Variants in HMGXB3 observed in about 807,000 individuals in gnomAD.
HMGXB3 encodes the protein HMG-box containing 3.
A neutral mutation model predicts 121.5 loss-of-function variants in HMGXB3; 45 were observed. The ratio of observed to expected loss-of-function variants is 0.37; its 90% CI spans 0.29 to 0.47. The LOEUF is 0.47. Among genes scored for constraint, HMGXB3 ranks in the 20% least tolerant of loss-of-function variants. The probability of loss-of-function intolerance (pLI) is 0.99; values close to 1 mark genes in which losing one functional copy is unlikely to be tolerated. For missense variants in HMGXB3, 1,376 were observed against 1,602.2 expected (o/e 0.86, Z 2.41); for synonymous variants, 590 against 624.1 (o/e 0.95, Z 0.81).
rs216133 is a variant in HMGXB3, at chr5:150,052,271, C to A, written c.*79C>A. The A allele has an allele frequency of 1.7e-6, 2 of 1,174,112 alleles. No homozygotes were observed. Among genetic ancestry groups the A allele is most frequent in the African/African-American group, 1.5e-5 (1 of 65,676 alleles). 72.7% of individuals were successfully genotyped at this position (1,174,112 alleles called of 1,614,324 possible). A position where few individuals can be genotyped will look rare whatever the true frequency, so the allele number is the denominator to read the frequency against. ...GCCTGAGGCAGAGCTATCCAGGGGA[C>A]CTGCAGAAGTGGTCTCCTGTGGGGA... On this transcript the variant is annotated 3_prime_UTR_variant, in exon 20 of 20. Coordinates refer to ENST00000502717, the MANE Select transcript of HMGXB3 (RefSeq NM_014983.3).
chr5:150,047,785 CGG>C (rs1342599303), intron 17 of HMGXB3, 28 bp downstream of exon 17: 1 of 1,551,064 alleles, frequency 6.4e-7, no homozygotes, highest in East Asian at 2.4e-5. Context: ...TGGTGGATAT[CGG>C]GGCTTCTGGA....
In HMGXB3 at chr5:150,010,391, C is replaced by T; in HGVS notation, c.593C>T (p.Ser198Leu). 6.4e-7 allele frequency: 1 copy of T among 1,551,692 alleles called. No individual in the cohort carries two copies. ...LAEEVGALTQ[S>L]GAVQEIATSE... ...GAGGAGGTGGGAGCCCTTACCCAGT[C>T]AGGTGCTGTACAGGAGATTGCCACC... Residue 198 changes from serine to leucine, a missense_variant, in exon 4 of 20, where the codon TCA becomes TTA. By Grantham distance (145) the Ser-to-Leu change is moderately radical. Transcript: ENST00000502717.
chr5:150,032,374 C>A, intron 10 of HMGXB3, 80 bp from the exon 11 acceptor site: 2 of 1,335,232 alleles, frequency 1.5e-6, no homozygotes, highest in Admixed American at 2.2e-5. Flanking sequence ...GATTTACTGG[C>A]AGCTGCTCAT....
At chr5:150,045,782 C>A in intron 16 of HMGXB3, 97 bp downstream of exon 16, 1 of 883,118 alleles carries the variant, frequency 1.1e-6, no homozygotes, top group Non-Finnish European at 1.8e-6. Context: ...AGCGAGAGGG[C>A]CAGGCCCCGC....
chr5:150,041,791 C>T lies in HMGXB3; in HGVS notation c.2552C>T (p.Thr851Ile). ...GTTCTTGCTCTTCTTTCAGAGAAGA[C>T]TCTGACCTCGGAGGAGCTGAGCCAG... ...LKSVQEQTEK[T>I]LTSEELSQLQ... Residue 851 changes from threonine (T) to isoleucine (I), a missense_variant, in exon 15 of 20, where the codon ACT becomes ATT. Coordinates refer to ENST00000502717, the MANE Select transcript of HMGXB3 (RefSeq NM_014983.3). 1 of 1,551,190 alleles carries T rather than the reference C, an allele frequency of 6.4e-7. No homozygotes were observed. Among genetic ancestry groups the T allele is most frequent in the East Asian group, 2.4e-5 (1 of 40,916 alleles).
rs149432121 is a variant in HMGXB3 at position 150,032,540 on chromosome 5, A to C, written c.1920A>C (p.Arg640=). The C allele has an allele frequency of 3.1e-4, 476 of 1,552,166 alleles. 2 individuals carry two copies. The African/African-American group carries it at 5.9e-3, about 19-fold the overall frequency. ...TCTACACCAACAGGCACAAACCTCG[A>C]ATTTGTCCCAGCTGTGGTGTTAACC... ...SYVYTNRHKP[R]ICPSCGVNLA... Residue 640 remains arginine, a synonymous_variant, in exon 11 of 20, where the codon CGA becomes CGC. Coordinates refer to ENST00000502717, the MANE Select transcript of HMGXB3 (RefSeq NM_014983.3).
chr5:150,039,370 C>CT (rs200245782), intron 13 of HMGXB3, among the ~76,000 whole-genome samples: 10 of 148,440 alleles, frequency 6.7e-5, no homozygotes, highest in East Asian at 3.9e-4. Context: ...AAGTATTTTA[C>CT]TTTTTTTTTT....
At chr5:150,027,644 G>A (rs1756265168) in intron 9 of HMGXB3, among the ~76,000 whole-genome samples, 1 of 151,788 alleles carries the variant, frequency 6.6e-6, no homozygotes, top group African/African-American at 2.4e-5. Flanking sequence ...TCCACCTCCT[G>A]GGTTCAAGTG....
chr5:150,017,679 T>G (rs753864601), intron 5 of HMGXB3, among the ~76,000 whole-genome samples: 1 of 152,242 alleles, frequency 6.6e-6, no homozygotes, highest in Non-Finnish European at 1.5e-5. Context: ...GGTAGTTTGG[T>G]GTTTCCCCAA....
In HMGXB3 at chr5:150,045,604, C is replaced by A; in HGVS notation, c.2869C>A (p.Pro957Thr). Reference protein sequence around the residue: ...ITKFDASVIAPFFPPLMRGAV... With the variant: ...ITKFDASVIATFFPPLMRGAV... ...CAAATTTGATGCGTCTGTTATTGCC[C>A]CCTTCTTCCCACCACTCATGAGAGG... Residue 957 changes from proline to threonine, a missense_variant, in exon 16 of 20, where the codon CCC becomes ACC. By Grantham distance (38) the Pro-to-Thr change is conservative. Around this residue, in one of 2 missense-constraint regions of HMGXB3, gnomAD observed 1,116 missense variants for 1,369.0 expected, o/e 0.82. Coordinates refer to ENST00000502717, the MANE Select transcript of HMGXB3 (RefSeq NM_014983.3). 1 of 1,551,842 alleles carries A rather than the reference C, an allele frequency of 6.4e-7. No homozygotes were observed. Among genetic ancestry groups the A allele is most frequent in the Non-Finnish European group, 8.7e-7 (1 of 1,147,038 alleles).
intron 1 of HMGXB3, among the ~76,000 whole-genome samples, chr5:150,004,369 T>G (rs1168213307): frequency 6.6e-6 from 1 of 152,188 alleles, no homozygotes; most frequent in East Asian, 1.9e-4. Context: ...CCTTACTACA[T>G]GTTTGAGTGA....
In HMGXB3 at chr5:150,040,812, G is replaced by C; in HGVS notation, c.2478G>C (p.Gln826His). ...ACTTGCTTTTTGCAATCAGAAATCA[G>C]ATCAAGCTCGGAGAGGACCCCAGAG... The part of the protein sequence containing the change: ...SLDLLFAIRN[Q>H]IKLGEDPRVS... The change falls in exon 14 of 20, where the codon CAG (glutamine) becomes CAC (histidine). Residue 826 changes from glutamine to histidine, a missense_variant. By Grantham distance (24) the Gln-to-His change is conservative (BLOSUM62 0). Coordinates refer to ENST00000502717, the MANE Select transcript of HMGXB3 (RefSeq NM_014983.3). 1 of 1,552,016 alleles carries C rather than the reference G, an allele frequency of 6.4e-7. No homozygotes were observed. The highest frequency in any genetic ancestry group is 8.7e-7 in the Non-Finnish European group (1 of 1,147,066).
At chr5:150,020,339 C>G (rs1366002464) in intron 6 of HMGXB3, among the ~76,000 whole-genome samples, 1 of 152,158 alleles carries the variant, frequency 6.6e-6, no homozygotes, top group Non-Finnish European at 1.5e-5. Context: ...CAATGTATTC[C>G]CCAAAAAGGC....
At chr5:150,034,335 A>G (rs546443790) in intron 11 of HMGXB3, among the ~76,000 whole-genome samples, 10 of 152,230 alleles carry the variant, frequency 6.6e-5, no homozygotes, top group Non-Finnish European at 1.2e-4. Context: ...TGCACCTTCT[A>G]ACCCTGGAGC....
At chr5:150,010,851 C>G (rs997242861) in intron 4 of HMGXB3, among the ~76,000 whole-genome samples, 1 of 152,230 alleles carries the variant, frequency 6.6e-6, no homozygotes, top group Admixed American at 6.5e-5. Context: ...TGAGATGGTT[C>G]ATAAGCTACA....
intron 9 of HMGXB3, chr5:150,030,461 A>T: frequency 3.0e-6 from 1 of 328,220 alleles, no homozygotes; most frequent in Non-Finnish European, 5.7e-6. Flanking sequence ...AAAAGCTATT[A>T]TGTGCTTTTA....
chr5:150,017,611 A>G (rs1280152729), intron 5 of HMGXB3, among the ~76,000 whole-genome samples: 4 of 152,210 alleles, frequency 2.6e-5, no homozygotes, highest in Non-Finnish European at 5.9e-5. Flanking sequence ...TACCACTGTC[A>G]TAATTGGAAG....
chr5:150,005,429 G>A lies in HMGXB3; in HGVS notation c.137+440G>A, dbSNP rs572949252. ...AGCCTGACCAACGTGGAGAAACCCC[G>A]TCTCTACTAAAAATACAAAATTAGC... On this transcript the variant is annotated intron_variant, in intron 2 of 19. Transcript: ENST00000502717. Among the ~76,000 whole-genome samples the A allele has an allele frequency of 4.6e-5, 7 of 151,914 alleles. No homozygotes were observed. In the East Asian group the frequency reaches 9.7e-4, roughly 21 times the overall value.
Position 150,010,419 on chromosome 5 carries a change from A to G in HMGXB3, c.621A>G (p.Ser207=). 1 of 1,551,658 alleles carries G rather than the reference A, an allele frequency of 6.4e-7. No homozygotes were observed. The highest frequency in any genetic ancestry group is 1.2e-5 in the South Asian group (1 of 84,064). ...GTGCTGTACAGGAGATTGCCACCTCAGAGATCCTCAGCCAGGATGTGCTCC... is the reference window on the plus strand; with the variant it reads ...GTGCTGTACAGGAGATTGCCACCTCGGAGATCCTCAGCCAGGATGTGCTCC... ...QSGAVQEIAT[S]EILSQDVLLE... Residue 207 remains serine, a synonymous_variant, in exon 4 of 20, where the codon TCA becomes TCG. Transcript: ENST00000502717.
Sources: gnomAD v4.1 joint callset for allele counts (sites outside exome capture counted in the v4.1 genomes callset) on GRCh38, gnomAD v4.1.1 for gene constraint, gnomAD v4.1.1 regional missense constraint, MANE v1.5 for transcripts, NCBI Gene and HGNC (gene_info 2026-07-23, HGNC 2026-07-21) for gene names.